The following ITIH1 variants were observed in gnomAD, a reference collection of about 807,000 sequenced individuals.
ITIH1 encodes inter-alpha-trypsin inhibitor heavy chain 1, also known as inter-alpha-trypsin inhibitor heavy chain H1.
A neutral mutation model predicts 104.6 loss-of-function variants in ITIH1; 94 were observed. The ratio of observed to expected loss-of-function variants is 0.90; its 90% confidence interval spans 0.76 to 1.07. The LOEUF is 1.07. Among genes scored for constraint, ITIH1 ranks in the 50% least tolerant of loss-of-function variants. The pLI is 0.00. For missense variants in ITIH1, 1,193 were observed against 1,181.4 expected (o/e 1.01, Z -0.14); for synonymous variants, 455 against 464.4 (o/e 0.98, Z 0.26).
chr3:52,790,337 T>A (rs1365309803), intron 19 of ITIH1: 1 of 270,020 alleles, frequency 3.7e-6, no homozygotes, highest in Non-Finnish European at 7.1e-6. Flanking sequence ...AGCAGAGCTA[T>A]AGGAAGAGGT....
intron 18 of ITIH1, among the ~76,000 whole-genome samples, chr3:52,789,068 C>T (rs1699281172): frequency 6.6e-6 from 1 of 152,194 alleles, no homozygotes; most frequent in South Asian, 2.1e-4. Context: ...CCTGCTCCCT[C>T]CTGTCTCCTT....
chr3:52,791,739 T>C, intron 21 of ITIH1, 43 bp from the exon 22 acceptor site: 1 of 1,606,534 alleles, frequency 6.2e-7, no homozygotes, highest in Non-Finnish European at 8.5e-7. Context: ...GGTGCTGCCC[T>C]ACTGGTCCGA....
At position 52,789,872 on chromosome 3, in the gene ITIH1, G is replaced by A. The variant is rs369817287; in HGVS notation, c.2321+18G>A. 5 of 1,612,626 alleles carry A rather than the reference G, an allele frequency of 3.1e-6. No individual in the cohort carries two copies. The highest frequency in any genetic ancestry group is 3.4e-6 in the Non-Finnish European group (4 of 1,179,252). Reference sequence around the variant, plus strand: ...CAGGACGGGTAACCTGCCAGGGCCTGGGCAAGATGCAGGGGGAGGTGTGGC... The same window carrying A: ...CAGGACGGGTAACCTGCCAGGGCCTAGGCAAGATGCAGGGGGAGGTGTGGC... On this transcript the variant is annotated intron_variant, in intron 19 of 21. Coordinates refer to ENST00000273283, the MANE Select transcript of ITIH1 (RefSeq NM_002215.4).
At chr3:52,782,729 G>A (rs1057293423) in intron 8 of ITIH1, among the ~76,000 whole-genome samples, 6 of 152,012 alleles carry the variant, frequency 3.9e-5, no homozygotes, top group East Asian at 3.9e-4. Flanking sequence ...TGCCCCTCCC[G>A]AACTCCTGAT....
rs200337939 is a variant in ITIH1 at position 52,789,613 on chromosome 3, G to A, written c.2120-40G>A. On this transcript the variant is annotated intron_variant, in intron 18 of 21. Coordinates refer to ENST00000273283, the MANE Select transcript of ITIH1 (RefSeq NM_002215.4). ...TGATCCTGCTAAGCAAAGGCAGGCA[G>A]GCCCCTTCCCAACCCGGATGCCCTC... 1.5e-5 allele frequency: 24 copies of A among 1,580,984 alleles called. No homozygotes were observed. In the East Asian group the frequency reaches 3.4e-4, roughly 22 times the overall value.
chr3:52,782,928 T>G, intron 8 of ITIH1, 29 bp from the exon 9 acceptor site: 5 of 1,612,170 alleles, frequency 3.1e-6, no homozygotes, highest in Non-Finnish European at 4.2e-6. Flanking sequence ...TGGGGCCCTG[T>G]CTGTCTACTG....
Position 52,779,081 on chromosome 3 carries a change from C to A in ITIH1, c.410+35C>A. 1 of 1,422,948 alleles carries A rather than the reference C, an allele frequency of 7.0e-7. No homozygotes were observed. Among genetic ancestry groups the A allele is most frequent in the Non-Finnish European group, 9.9e-7 (1 of 1,005,620 alleles). The allele number at this position is 1,422,948 out of a possible 1,614,324, so 88.1% of individuals were successfully genotyped here. On this transcript the variant is annotated intron_variant, in intron 4 of 21. Coordinates refer to ENST00000273283, the MANE Select transcript of ITIH1 (RefSeq NM_002215.4). The surrounding 1 kb of genome is among the most constrained non-coding windows in gnomAD (Gnocchi z 4.4). ...GGGCCTGCTGGTCTCATCTCTAGGG[C>A]TGCCCTCCCCAGCCAGGACAGGTCT...
At chr3:52,782,660 A>T (rs564358978) in intron 8 of ITIH1, among the ~76,000 whole-genome samples, 2 of 152,266 alleles carry the variant, frequency 1.3e-5, no homozygotes, top group Admixed American at 1.3e-4. Context: ...TGCAGTGTAG[A>T]CATGGCTGGA....
Position 52,791,851 on chromosome 3 carries a change from C to T in ITIH1, c.2676C>T (p.Asn892=). 1.2e-6 allele frequency: 2 copies of T among 1,614,222 alleles called. No individual in the cohort carries two copies. The highest frequency in any genetic ancestry group is 1.7e-6 in the Non-Finnish European group (2 of 1,180,024). The stretch of plus-strand genomic sequence containing the variant: ...AGGTGTCCTGCTGGTTCATTCACAA[C>T]AATGGGGCTGGACTCATCGATGGTG... The part of the protein sequence containing the change: ...GAEVSCWFIH[N]NGAGLIDGAY... Residue 892 remains asparagine (N), a synonymous_variant, in exon 22 of 22, where the codon AAC becomes AAT. Transcript: ENST00000273283.
chr3:52,791,713 G>T lies in ITIH1; in HGVS notation c.2607-69G>T, dbSNP rs1004884155. On this transcript the variant is annotated intron_variant, in intron 21 of 21. Coordinates refer to ENST00000273283, the MANE Select transcript of ITIH1 (RefSeq NM_002215.4). The stretch of plus-strand genomic sequence containing the variant: ...TTCCTCCAGGTGTCACATGGGTGGG[G>T]TGAGCTTCCTGGGGAGGTGCTGCCC... 13 of 1,606,626 alleles carry T rather than the reference G, an allele frequency of 8.1e-6. No individual in the cohort carries two copies. In the East Asian group the frequency reaches 2.5e-4, roughly 30 times the overall value.
intron 12 of ITIH1, 30 bp downstream of exon 12, chr3:52,785,259 G>A (rs1164755654): frequency 6.2e-7 from 1 of 1,606,480 alleles, no homozygotes; most frequent in Non-Finnish European, 8.5e-7. Flanking sequence ...GGGTGGAGAG[G>A]CCAGGCAGCA....
At position 52,782,569 on chromosome 3, in the gene ITIH1, C is replaced by CAAGTGCCGGAAGT. The variant is rs3836493; in HGVS notation, c.930+304_930+305insGTGCCGGAAGTAA. On this transcript the variant is annotated intron_variant, in intron 8 of 21. Coordinates refer to ENST00000273283, the MANE Select transcript of ITIH1 (RefSeq NM_002215.4). ...CTTAGAAGAGGAAACCTGTGCACTA[C>CAAGTGCCGGAAGT]AATTACGGTGGTCCGTGGGGAGGCA... is the stretch of plus-strand genomic sequence containing the variant. 1.2e-3 allele frequency among the ~76,000 whole-genome samples: 180 copies of CAAGTGCCGGAAGT among 151,872 alleles called. 1 individual carries two copies. Among genetic ancestry groups the CAAGTGCCGGAAGT allele is most frequent in the African/African-American group, 4.1e-3 (169 of 41,352 alleles).
chr3:52,777,673 C>A lies in ITIH1; in HGVS notation c.58C>A (p.Leu20Ile), dbSNP rs747995175. ...LLLCMYLVSL[L>I]ILQAMPALGS... is the part of the protein sequence containing the mutation. ...GTTGTGCATGTACCTGGTATCTCTC[C>A]TCATCCTGCAGGCCATGCCTGCCCT... The change falls in exon 1 of 22, where the codon CTC (leucine) becomes ATC (isoleucine). Residue 20 changes from leucine to isoleucine, a missense_variant. By Grantham distance (5) the Leu-to-Ile change is conservative (BLOSUM62 2). Coordinates refer to ENST00000273283, the MANE Select transcript of ITIH1 (RefSeq NM_002215.4). 2 of 1,606,998 alleles carry A rather than the reference C, an allele frequency of 1.2e-6. No individual in the cohort carries two copies. The highest frequency in any genetic ancestry group is 2.2e-5 in the South Asian group (2 of 89,800).
chr3:52,781,213 TCTTCTTCTTCTTCTTCTTCTTC>T (rs1699036676), intron 6 of ITIH1, among the ~76,000 whole-genome samples: 2 of 22,204 alleles, frequency 9.0e-5, no homozygotes, highest in African/African-American at 1.7e-4. Flanking sequence ...TTTTTTTTCT[TCTTCTTCTTCTTCTTCTTCTTC>T]TTCTTCTTCT....
At chr3:52,785,275 G>C (rs1204087455) in intron 12 of ITIH1, 46 bp downstream of exon 12, 2 of 1,584,950 alleles carry the variant, frequency 1.3e-6, no homozygotes, top group East Asian at 2.2e-5. Context: ...CAGCACCCTA[G>C]AGGCTCCAAA....
intron 10 of ITIH1, 43 bp downstream of exon 10, chr3:52,783,382 GT>G: frequency 6.3e-7 from 1 of 1,598,692 alleles, no homozygotes; most frequent in East Asian, 2.2e-5. Context: ...TGATCTCCTT[GT>G]CACCCGAGAC....
In ITIH1 at chr3:52,786,839, C is replaced by CGAATGAAT. The variant is rs36051478; in HGVS notation, c.1734-81_1734-74dup. 513 of 1,174,748 alleles carry CGAATGAAT rather than the reference C, an allele frequency of 4.4e-4. 4 individuals are homozygous for CGAATGAAT. Among genetic ancestry groups the CGAATGAAT allele is most frequent in the South Asian group, 3.3e-3 (220 of 66,058 alleles). 72.8% of individuals were successfully genotyped at this position (1,174,748 alleles called of 1,614,324 possible). A position where few individuals can be genotyped will look rare whatever the true frequency, so the allele number is the denominator to read the frequency against. On this transcript the variant is annotated intron_variant, in intron 13 of 21. Transcript: ENST00000273283. Reference sequence around the variant, plus strand: ...CCATGGGGGCTTAATACTTATGTGTCGAATGAATGAATGAATGAATGAATG... The same window carrying CGAATGAAT: ...CCATGGGGGCTTAATACTTATGTGTCGAATGAATGAATGAATGAATGAATGAATGAATG...
In ITIH1 at chr3:52,779,572, A is replaced by G. The variant is rs1698985460; in HGVS notation, c.551A>G (p.Lys184Arg). Residue 184 changes from lysine to arginine, a missense_variant, in exon 5 of 22, where the codon AAG (lysine) becomes AGG (arginine). Transcript: ENST00000273283. The surrounding 1 kb of genome is among the most constrained non-coding windows in gnomAD (Gnocchi z 4.4). ...QYEIVIKVKPKQLVHHFEIDV... is the reference protein window; with the variant it reads ...QYEIVIKVKPRQLVHHFEIDV... ...GAAATTGTCATCAAAGTCAAGCCCA[A>G]GCAGCTGGTGCATCATTTTGAGGTA... 1 of 1,614,074 alleles carries G rather than the reference A, an allele frequency of 6.2e-7. No homozygotes were observed.
rs68094128 is a variant in ITIH1, at chr3:52,787,976, CT to C, written c.1925-9del. 0.38 allele frequency: 617,214 copies of C among 1,604,638 alleles called. 123,133 individuals carry two copies. Among genetic ancestry groups the C allele is most frequent in the Admixed American group, 0.51 (30,349 of 59,834 alleles). ...GCCCCGCTTCTAAATGCCACTCCCC[CT>C]CCCATCAGCGTTCGTGCTGTCAGCC... On this transcript the variant is annotated splice_polypyrimidine_tract_variant and intron_variant, in intron 16 of 21. Coordinates refer to ENST00000273283, the MANE Select transcript of ITIH1 (RefSeq NM_002215.4).
Sources: gnomAD v4.1 joint callset for allele counts (sites outside exome capture counted in the v4.1 genomes callset) on GRCh38, gnomAD v4.1.1 for gene constraint, Gnocchi (gnomAD v3.1) non-coding constraint, MANE v1.5 for transcripts, NCBI Gene and HGNC (gene_info 2026-07-23, HGNC 2026-07-21) for gene names.